Variants in ZCCHC4 observed in about 807,000 individuals in gnomAD.
ZCCHC4 encodes the protein rRNA N(6)-adenosine-methyltransferase ZCCHC4.
A neutral mutation model predicts 67.7 loss-of-function variants in ZCCHC4; 54 were observed. The ratio of observed to expected loss-of-function variants is 0.80; its 90% CI spans 0.64 to 1.00. The LOEUF is 1.00. Among genes scored for constraint, ZCCHC4 ranks in the 50% least tolerant of loss-of-function variants. The probability of loss-of-function intolerance (pLI) is 0.00; values close to 1 mark genes in which losing one functional copy is unlikely to be tolerated. For synonymous variants in ZCCHC4, 198 were observed against 213.5 expected (o/e 0.93, Z 0.63); for missense variants, 609 against 617.0 (o/e 0.99, Z 0.14).
chr4:25,356,681 A>AT (rs1237839978), intron 8 of ZCCHC4, among the ~76,000 whole-genome samples: 1 of 152,070 alleles, frequency 6.6e-6, no homozygotes, highest in South Asian at 2.1e-4. Flanking sequence ...CTTGGGAAGA[A>AT]TTTTTTTATT....
intron 7 of ZCCHC4, 32 bp from the exon 8 acceptor site, chr4:25,351,557 A>T: frequency 1.4e-6 from 2 of 1,433,412 alleles, no homozygotes; most frequent in Non-Finnish European, 9.6e-7. Flanking sequence ...TCTTTAATTT[A>T]CTATTATTTT....
chr4:25,342,770 A>G (rs2109074623), intron 5 of ZCCHC4, among the ~76,000 whole-genome samples: 1 of 152,314 alleles, frequency 6.6e-6, no homozygotes, highest in African/African-American at 2.4e-5. Context: ...TAAGAGGGCA[A>G]TGTTGAGTGA....
chr4:25,331,520 T>C (rs1485823869), intron 3 of ZCCHC4, among the ~76,000 whole-genome samples: 1 of 152,154 alleles, frequency 6.6e-6, no homozygotes. Context: ...TTGCCCAGGC[T>C]GGTCTTGAGC....
intron 5 of ZCCHC4, among the ~76,000 whole-genome samples, chr4:25,334,420 CT>C (rs1255371401): frequency 2.0e-5 from 3 of 152,152 alleles, no homozygotes; most frequent in African/African-American, 7.2e-5. Flanking sequence ...TACATATTGT[CT>C]TTCACTGAAC....
In ZCCHC4 at chr4:25,312,887, G is replaced by C. The variant is rs1197789202; in HGVS notation, c.78G>C (p.Glu26Asp). ...SAGCRGSSGM[E>D]VVLPLDPAVP... ...GGTGCCGGGGAAGCTCGGGAATGGA[G>C]GTGGTGCTTCCTTTGGATCCTGCCG... The change falls in exon 1 of 13, where the codon GAG becomes GAC. Residue 26 changes from glutamate (E) to aspartate (D), a missense_variant. Coordinates refer to ENST00000302874, the MANE Select transcript of ZCCHC4 (RefSeq NM_024936.3). 3 of 1,613,026 alleles carry C rather than the reference G, an allele frequency of 1.9e-6. No homozygotes were observed. The highest frequency in any genetic ancestry group is 2.2e-5 in the East Asian group (1 of 44,870).
intron 5 of ZCCHC4, 145 bp downstream of exon 5, chr4:25,334,133 A>G (rs1325884848): frequency 6.1e-6 from 3 of 492,794 alleles, no homozygotes; most frequent in Non-Finnish European, 1.1e-5. Context: ...TTTTAGTCGA[A>G]TAAATTCAAC....
intron 3 of ZCCHC4, among the ~76,000 whole-genome samples, chr4:25,324,014 G>GTGTTTTTTTTTTT (rs1553895905): frequency 2.4e-5 from 2 of 82,448 alleles, no homozygotes; most frequent in East Asian, 7.1e-4. Context: ...TGTTTTTTGT[G>GTGTTTTTTTTTTT]TTTTTTTTTT....
chr4:25,338,902 C>A (rs958219524), intron 5 of ZCCHC4, among the ~76,000 whole-genome samples: 5 of 152,164 alleles, frequency 3.3e-5, no homozygotes, highest in African/African-American at 7.2e-5. Flanking sequence ...TTTCAGATCT[C>A]TTGGGTATTA....
At position 25,346,168 on chromosome 4, in the gene ZCCHC4, A is replaced by G. The variant is rs1207239638; in HGVS notation, c.759+548A>G. Reference sequence around the variant, plus strand: ...ATGCATGTGTCAGGGCTGGGAGTGTACGGAAAATCTCTATTCCTTCCTCTC... The same window carrying G: ...ATGCATGTGTCAGGGCTGGGAGTGTGCGGAAAATCTCTATTCCTTCCTCTC... On this transcript the variant is annotated intron_variant, in intron 6 of 12. Transcript: ENST00000302874. 2.6e-5 allele frequency among the ~76,000 whole-genome samples: 4 copies of G among 152,092 alleles called. No individual in the cohort carries two copies. The East Asian group carries it at 5.8e-4, about 22-fold the overall frequency.
chr4:25,358,671 A>G (rs1382468721), intron 8 of ZCCHC4, among the ~76,000 whole-genome samples: 3 of 152,228 alleles, frequency 2.0e-5, no homozygotes, highest in East Asian at 3.9e-4. Flanking sequence ...AGGCCAAGGC[A>G]GCTTTCCAGC....
At chr4:25,343,843 G>A (rs1286582795) in intron 5 of ZCCHC4, among the ~76,000 whole-genome samples, 4 of 152,184 alleles carry the variant, frequency 2.6e-5, no homozygotes, top group African/African-American at 9.7e-5. Flanking sequence ...AGTTGACAGT[G>A]TCATGACTTG....
chr4:25,333,536 T>TAATAAA, intron 4 of ZCCHC4, 78 bp downstream of exon 4: 7 of 1,472,368 alleles, frequency 4.8e-6, no homozygotes, highest in Non-Finnish European at 5.6e-6. Flanking sequence ...AGTAGTTACT[T>TAATAAA]ACTCTGTGCA....
rs1457767503 is a variant in ZCCHC4, at chr4:25,349,608, G to A, written c.876G>A (p.Lys292=). 1.2e-6 allele frequency: 2 copies of A among 1,613,976 alleles called. No individual in the cohort carries two copies. The highest frequency in any genetic ancestry group is 1.7e-6 in the Non-Finnish European group (2 of 1,179,904). The change falls in exon 7 of 13, where the codon AAG becomes AAA. Residue 292 remains lysine (K), a synonymous_variant. Transcript: ENST00000302874. ...AACCTCTGGCTATTACATTCAAGAA[G>A]TTAATTGCTATGTGGAAAGAAGGTC... ...LVEPLAITFK[K]LIAMWKEGQS...
intron 3 of ZCCHC4, among the ~76,000 whole-genome samples, chr4:25,332,098 A>G (rs1719212667): frequency 6.6e-6 from 1 of 152,154 alleles, no homozygotes; most frequent in Admixed American, 6.5e-5. Context: ...ACCTGAGGTC[A>G]GGAGTTTGAG....
Position 25,315,410 on chromosome 4 carries a change from C to A in ZCCHC4, c.329+10C>A. 6.3e-7 allele frequency: 1 copy of A among 1,575,456 alleles called. No individual in the cohort carries two copies. Among genetic ancestry groups the A allele is most frequent in the Non-Finnish European group, 8.6e-7 (1 of 1,162,034 alleles). ...CGCAGTGTGTGGAAAGGTACTGATG[C>A]AGTGTCATTTTTCTTTATTAGTTTA... On this transcript the variant is annotated intron_variant, in intron 3 of 12. Transcript: ENST00000302874.
At chr4:25,358,001 A>C (rs2109088731) in intron 8 of ZCCHC4, among the ~76,000 whole-genome samples, 1 of 152,368 alleles carries the variant, frequency 6.6e-6, no homozygotes, top group Non-Finnish European at 1.5e-5. Flanking sequence ...AGAAAGGTGG[A>C]TTTAGTGGCC....
chr4:25,360,157 A>G (rs1032000827), intron 8 of ZCCHC4, among the ~76,000 whole-genome samples: 5 of 152,228 alleles, frequency 3.3e-5, no homozygotes, highest in Non-Finnish European at 7.3e-5. Flanking sequence ...GGCTTTTTGC[A>G]TAGCCCCACC....
In ZCCHC4 at chr4:25,333,430, A is replaced by G. The variant is rs1264339257; in HGVS notation, c.577A>G (p.Arg193Gly). 2.5e-6 allele frequency: 4 copies of G among 1,614,086 alleles called. No individual in the cohort carries two copies. In the Admixed American group the frequency reaches 6.7e-5, roughly 27 times the overall value. Residue 193 changes from arginine to glycine, a missense_variant, in exon 4 of 13, where the codon AGA (arginine) becomes GGA (glycine). By Grantham distance (125) the Arg-to-Gly change is moderately radical. Transcript: ENST00000302874. ...LVDLLSALGF[R>G]RVLCVGTPRL... Reference sequence around the variant, plus strand: ...AGACTTACTTTCTGCCCTCGGATTCAGAAGAGTACTGTGTGTTGGAACACC... The same window carrying G: ...AGACTTACTTTCTGCCCTCGGATTCGGAAGAGTACTGTGTGTTGGAACACC...
At position 25,356,330 on chromosome 4, in the gene ZCCHC4, GTTTA is replaced by G. The variant is rs1419846696; in HGVS notation, c.1011+4645_1011+4648del. ...TTGCTTTACAGCACTTCCATAGGAG[GTTTA>G]TTTGTGTGGCTGAAGCTATGAAATA... On this transcript the variant is annotated intron_variant, in intron 8 of 12. Transcript: ENST00000302874. Among the ~76,000 whole-genome samples the G allele has an allele frequency of 2.6e-5, 4 of 152,126 alleles. No homozygotes were observed. In the East Asian group the frequency reaches 5.8e-4, roughly 22 times the overall value.
Sources: gnomAD v4.1 joint callset for allele counts (sites outside exome capture counted in the v4.1 genomes callset) on GRCh38, gnomAD v4.1.1 for gene constraint, MANE v1.5 for transcripts, NCBI Gene and HGNC (gene_info 2026-07-23, HGNC 2026-07-21) for gene names.